KCNN3: variants seen among roughly 807,000 people sequenced by gnomAD.
KCNN3 encodes the protein small conductance calcium-activated potassium channel protein 3.
Under a neutral mutation model 62.9 loss-of-function variants are expected in KCNN3, and 16 were observed. That is an observed-to-expected ratio of 0.25 (90% CI 0.17 to 0.39). KCNN3 has a LOEUF of 0.39. Among genes scored for constraint, KCNN3 ranks in the 10% least tolerant of loss-of-function variants. The pLI, the probability that KCNN3 is intolerant of heterozygous loss-of-function variation, is 1.00. For missense variants in KCNN3, 599 were observed against 949.4 expected, an observed-to-expected ratio of 0.63 and a Z score of 4.85; for synonymous variants, 370 against 389.2, an observed-to-expected ratio of 0.95 and a Z score of 0.58.
At chr1:154,782,123 A>T (rs998976800) in intron 2 of KCNN3, among the ~76,000 whole-genome samples, 2 of 152,134 alleles carry the variant, frequency 1.3e-5, no homozygotes, top group Admixed American at 1.3e-4. Flanking sequence ...GAAGTGAGGG[A>T]TGATACCAGG....
intron 3 of KCNN3, chr1:154,736,913 G>A (rs970326446): frequency 5.2e-5 from 34 of 651,280 alleles, no homozygotes; most frequent in Admixed American, 3.3e-4. Context: ...AGTGTCCTTC[G>A]TTGTTTGTCA....
At chr1:154,779,182 C>G (rs556727012) in intron 2 of KCNN3, among the ~76,000 whole-genome samples, 1 of 152,198 alleles carries the variant, frequency 6.6e-6, no homozygotes, top group Admixed American at 6.5e-5. Flanking sequence ...AATGACTGAC[C>G]CACAGAAACG....
chr1:154,729,740 T>C (rs1700550190), intron 4 of KCNN3, among the ~76,000 whole-genome samples: 1 of 152,296 alleles, frequency 6.6e-6, no homozygotes, highest in East Asian at 1.9e-4. Context: ...ACCAAGGTGT[T>C]TCGGGAGAAG....
chr1:154,867,414 A>C (rs1652996387), intron 1 of KCNN3, among the ~76,000 whole-genome samples: 2 of 152,174 alleles, frequency 1.3e-5, no homozygotes, highest in South Asian at 4.1e-4. Context: ...CCGCTGGGGC[A>C]GCCCACTGAG....
intron 1 of KCNN3, among the ~76,000 whole-genome samples, chr1:154,827,609 G>A: frequency 6.6e-6 from 1 of 152,124 alleles, no homozygotes; most frequent in East Asian, 1.9e-4. Context: ...GACCGGCCTG[G>A]CCATCATGGT....
intron 1 of KCNN3, among the ~76,000 whole-genome samples, chr1:154,866,127 C>A (rs1239892662): frequency 2.0e-5 from 3 of 152,138 alleles, no homozygotes; most frequent in Non-Finnish European, 4.4e-5. Context: ...ATATTCACCT[C>A]CCCCCAAGAA....
rs893585980 is a variant in KCNN3, at chr1:154,862,931, G to T, written c.933+6101C>A. Among the ~76,000 whole-genome samples, 2 of 152,172 alleles carry T rather than the reference G, an allele frequency of 1.3e-5. No individual in the cohort carries two copies. Among genetic ancestry groups the T allele is most frequent in the Non-Finnish European group, 2.9e-5 (2 of 68,036 alleles). On this transcript the variant is annotated intron_variant, in intron 1 of 7. Coordinates refer to ENST00000271915, the MANE Select transcript of KCNN3 (RefSeq NM_002249.6). This position sits in a 1 kb window ranked among gnomAD's most constrained non-coding sequence, Gnocchi z 4.1. ...AAGGGCATGAACTTGGGAGCTAAAC[G>T]GGCTTGGGTTCTTATCTCAGTGCCA...
chr1:154,729,640 T>C (rs1700548744), intron 4 of KCNN3, among the ~76,000 whole-genome samples: 1 of 152,058 alleles, frequency 6.6e-6, no homozygotes, highest in Non-Finnish European at 1.5e-5. Flanking sequence ...AAGTGACAAA[T>C]GGAGGAGGGA....
At chr1:154,864,704 T>C (rs1353644256) in intron 1 of KCNN3, among the ~76,000 whole-genome samples, 1 of 151,942 alleles carries the variant, frequency 6.6e-6, no homozygotes, top group African/African-American at 2.4e-5. Flanking sequence ...TCACACCAAC[T>C]CCTCTCTGCC....
Position 154,855,626 on chromosome 1 carries a change from T to C in KCNN3, c.933+13406A>G, listed in dbSNP as rs112043114. Among the ~76,000 whole-genome samples the C allele has an allele frequency of 2.1e-3, 323 of 152,338 alleles. 1 individual carries two copies. Among genetic ancestry groups the C allele is most frequent in the African/African-American group, 7.5e-3 (312 of 41,562 alleles). ...GGCCATGCCACCTAGTCTGTGTAAG[T>C]GCACTGCATGATGCTCACACAATGA... On this transcript the variant is annotated intron_variant, in intron 1 of 7. Coordinates refer to ENST00000271915, the MANE Select transcript of KCNN3 (RefSeq NM_002249.6).
intron 1 of KCNN3, among the ~76,000 whole-genome samples, chr1:154,826,405 A>G (rs1651133223): frequency 6.6e-6 from 1 of 152,214 alleles, no homozygotes; most frequent in Non-Finnish European, 1.5e-5. Context: ...GGCATTGTCA[A>G]CCCACTCTTA....
Position 154,869,255 on chromosome 1 carries a change from G to C in KCNN3, c.710C>G (p.Pro237Arg). ...NHAHQTLLHH[P>R]NATHNHQHAG... ...ATGCTGGTGGTTGTGGGTGGCATTA[G>C]GGTGATGGAGCAGGGTCTGGTGGGC... The change falls in exon 1 of 8, where the codon CCT becomes CGT. Residue 237 changes from proline (P) to arginine (R), a missense_variant. Transcript: ENST00000271915. This position sits in a 1 kb window ranked among gnomAD's most constrained non-coding sequence, Gnocchi z 6.1. The C allele has an allele frequency of 6.2e-7, 1 of 1,614,076 alleles. No individual in the cohort carries two copies. The highest frequency in any genetic ancestry group is 1.1e-5 in the South Asian group (1 of 91,080).
intron 2 of KCNN3, among the ~76,000 whole-genome samples, chr1:154,814,602 A>G (rs549859345): frequency 6.6e-6 from 1 of 152,372 alleles, no homozygotes; most frequent in South Asian, 2.1e-4. Flanking sequence ...GAAGGCGGCC[A>G]GGCCCAAGGC....
chr1:154,804,234 C>T (rs532718930), intron 2 of KCNN3, among the ~76,000 whole-genome samples: 23 of 152,332 alleles, frequency 1.5e-4, no homozygotes, highest in South Asian at 1.0e-3. Context: ...CAGATTAATG[C>T]GTTCACTCAC....
chr1:154,793,132 C>T (rs1343466057), intron 2 of KCNN3, among the ~76,000 whole-genome samples: 1 of 152,108 alleles, frequency 6.6e-6, no homozygotes, highest in Non-Finnish European at 1.5e-5. Flanking sequence ...AAAGAACGGG[C>T]TATTGAAAAG....
chr1:154,715,208 C>T (rs1316942211), intron 5 of KCNN3, among the ~76,000 whole-genome samples: 1 of 151,968 alleles, frequency 6.6e-6, no homozygotes, highest in Non-Finnish European at 1.5e-5. Flanking sequence ...GAGGCCGAGG[C>T]GGGTGGATCA....
Position 154,746,934 on chromosome 1 carries a change from G to A in KCNN3, c.1449-13790C>T, listed in dbSNP as rs539189754. 6.7e-4 allele frequency among the ~76,000 whole-genome samples: 102 copies of A among 152,298 alleles called. 1 individual carries two copies. The highest frequency in any genetic ancestry group is 6.8e-3 in the Middle Eastern group (2 of 294). On this transcript the variant is annotated intron_variant, in intron 3 of 7. Coordinates refer to ENST00000271915, the MANE Select transcript of KCNN3 (RefSeq NM_002249.6). ...GAGTAGGTGCATGGGTCCCCCCAACGTGGGACATCTCTGGAGGGGTGGCAG... is the reference window on the plus strand; with the variant it reads ...GAGTAGGTGCATGGGTCCCCCCAACATGGGACATCTCTGGAGGGGTGGCAG...
At chr1:154,802,626 C>G (rs1223505317) in intron 2 of KCNN3, among the ~76,000 whole-genome samples, 4 of 152,168 alleles carry the variant, frequency 2.6e-5, no homozygotes, top group Non-Finnish European at 5.9e-5. Context: ...AGACCAACAG[C>G]TGCAGACTAA....
chr1:154,714,637 G>C (rs886389626), intron 6 of KCNN3, among the ~76,000 whole-genome samples: 1 of 142,956 alleles, frequency 7.0e-6, no homozygotes, highest in Non-Finnish European at 1.5e-5. Context: ...GTGTGTGTGT[G>C]TGTGTGTGTG....
Sources: allele counts gnomAD v4.1 joint callset (sites outside exome capture counted in the v4.1 genomes callset), GRCh38; gene constraint gnomAD v4.1.1; non-coding constraint Gnocchi (gnomAD v3.1); transcripts MANE v1.5; gene names NCBI Gene and HGNC (gene_info 2026-07-23, HGNC 2026-07-21).